Variants in IQCK observed in about 807,000 individuals in gnomAD.
IQCK encodes the protein IQ motif containing K, also known as IQ domain-containing protein K.
A neutral mutation model predicts 28.1 loss-of-function variants in IQCK; 29 were observed. The ratio of observed to expected loss-of-function variants is 1.03; its 90% CI spans 0.77 to 1.41. The LOEUF (loss-of-function observed/expected upper bound fraction) is 1.41. Among genes scored for constraint, IQCK ranks in the 40% most tolerant of loss-of-function variants. IQCK has a pLI of 0.00. For synonymous variants in IQCK, 113 were observed against 115.1 expected (o/e 0.98, Z 0.12); for missense variants, 359 against 314.7 (o/e 1.14, Z -1.07).
chr16:19,814,007 C>T (rs2055942388), intron 7 of IQCK, among the ~76,000 whole-genome samples: 1 of 151,988 alleles, frequency 6.6e-6, no homozygotes, highest in Non-Finnish European at 1.5e-5. Context: ...CACTTGAGGT[C>T]AGGAGTTCGA....
intron 9 of IQCK, among the ~76,000 whole-genome samples, chr16:19,847,330 A>T (rs1203529363): frequency 6.6e-6 from 1 of 152,020 alleles, no homozygotes; most frequent in African/African-American, 2.4e-5. Context: ...TTCCTATTTT[A>T]TTTTTTGTGA....
intron 9 of IQCK, among the ~76,000 whole-genome samples, chr16:19,847,823 T>G (rs950194733): frequency 2.6e-5 from 4 of 152,166 alleles, no homozygotes; most frequent in South Asian, 2.1e-4. Flanking sequence ...TTTTTAGAGA[T>G]AGGGTCTCTC....
intron 7 of IQCK, among the ~76,000 whole-genome samples, chr16:19,812,418 A>C (rs1188333532): frequency 6.6e-6 from 1 of 152,214 alleles, no homozygotes. Flanking sequence ...CCACAGAGCA[A>C]ATCTAGCCTA....
chr16:19,737,452 CT>C (rs2054774026), intron 4 of IQCK, among the ~76,000 whole-genome samples: 2 of 152,170 alleles, frequency 1.3e-5, no homozygotes, highest in East Asian at 1.9e-4. Flanking sequence ...ATACCTCCCC[CT>C]AATTGCCTGC....
Position 19,799,582 on chromosome 16 carries a change from TTATA to T in IQCK, c.690+10673_690+10676del, listed in dbSNP as rs1160831482. Among the ~76,000 whole-genome samples the T allele has an allele frequency of 4.6e-3, 535 of 116,780 alleles. 54 individuals carry two copies. Among genetic ancestry groups the T allele is most frequent in the African/African-American group, 0.019 (417 of 22,216 alleles). 76.6% of individuals were successfully genotyped at this position (116,780 alleles called of 152,430 possible). On this transcript the variant is annotated intron_variant, in intron 7 of 7. Transcript: ENST00000564186. ...CACCACACCTGGCCTATATTTTATT[TTATA>T]TATATATATATACACACACACACAC... is the stretch of plus-strand genomic sequence containing the variant.
rs1351379688 is a variant in IQCK, at chr16:19,793,655, T to G, written c.690+4733T>G. On this transcript the variant is annotated intron_variant, in intron 7 of 7. Coordinates refer to ENST00000564186, the Ensembl canonical transcript of IQCK. ...AAATCTCAGTTGGGTTTTTTTTTTTTTTTTTTTTTTTTTTTTTTGTGAAAT... is the reference window on the plus strand; with the variant it reads ...AAATCTCAGTTGGGTTTTTTTTTTTGTTTTTTTTTTTTTTTTTTGTGAAAT... Among the ~76,000 whole-genome samples, 10 of 130,346 alleles carry G rather than the reference T, an allele frequency of 7.7e-5. 1 individual carries two copies. The highest frequency in any genetic ancestry group is 3.4e-4 in the African/African-American group (10 of 29,574). 85.5% of individuals were successfully genotyped at this position (130,346 alleles called of 152,430 possible).
intron 3 of IQCK, among the ~76,000 whole-genome samples, chr16:19,734,995 C>G (rs1450099195): frequency 5.3e-5 from 8 of 152,062 alleles, no homozygotes; most frequent in African/African-American, 1.9e-4. Context: ...AGCCCTTACC[C>G]ATTATACTCT....
chr16:19,818,678 C>G (rs1044025040), intron 7 of IQCK, among the ~76,000 whole-genome samples: 2 of 152,074 alleles, frequency 1.3e-5, no homozygotes, highest in Non-Finnish European at 2.9e-5. Flanking sequence ...CAGGTGTGAG[C>G]CATCGTGCTC....
intron 4 of IQCK, among the ~76,000 whole-genome samples, chr16:19,743,961 A>G (rs2054871137): frequency 6.6e-6 from 1 of 152,094 alleles, no homozygotes; most frequent in Non-Finnish European, 1.5e-5. Context: ...TTACACACAC[A>G]TCTATTGTGT....
chr16:19,818,543 C>T (rs2056021060), intron 7 of IQCK, among the ~76,000 whole-genome samples: 1 of 152,098 alleles, frequency 6.6e-6, no homozygotes, highest in Admixed American at 6.5e-5. Context: ...CAGACATGTA[C>T]CACGATGCCC....
intron 6 of IQCK, among the ~76,000 whole-genome samples, chr16:19,777,267 G>A (rs1411505582): frequency 6.6e-6 from 1 of 152,110 alleles, no homozygotes; most frequent in Non-Finnish European, 1.5e-5. Flanking sequence ...AAAAACAGAG[G>A]TGAAAACAAA....
At chr16:19,853,908 G>T (rs540484952) in intron 9 of IQCK, among the ~76,000 whole-genome samples, 1 of 152,232 alleles carries the variant, frequency 6.6e-6, no homozygotes, top group African/African-American at 2.4e-5. Flanking sequence ...GATTATAGGC[G>T]TGAGCCACTG....
chr16:19,808,140 G>A (rs138739772), intron 7 of IQCK, among the ~76,000 whole-genome samples: 5 of 152,226 alleles, frequency 3.3e-5, no homozygotes, highest in Non-Finnish European at 5.9e-5. Context: ...CCACCCGGCA[G>A]GCCAAAATAG....
At chr16:19,719,061 A>G (rs1210711342) in intron 1 of IQCK, among the ~76,000 whole-genome samples, 1 of 152,126 alleles carries the variant, frequency 6.6e-6, no homozygotes. Context: ...TCTACTCAGT[A>G]TTTGTTACTT....
intron 1 of IQCK, among the ~76,000 whole-genome samples, chr16:19,728,940 A>G (rs958700394): frequency 6.6e-6 from 1 of 152,198 alleles, no homozygotes; most frequent in African/African-American, 2.4e-5. Flanking sequence ...TATGCCCTCA[A>G]TACCGTCTTG....
intron 7 of IQCK, among the ~76,000 whole-genome samples, chr16:19,806,543 AG>A (rs2055836508): frequency 6.8e-6 from 1 of 146,000 alleles, no homozygotes; most frequent in African/African-American, 2.7e-5. Flanking sequence ...AAAAAAAAAT[AG>A]CTGAGTGTGG....
At chr16:19,849,261 G>GTTTTTTTT (rs71146276) in intron 9 of IQCK, among the ~76,000 whole-genome samples, 2 of 142,154 alleles carry the variant, frequency 1.4e-5, no homozygotes, top group African/African-American at 2.6e-5. Context: ...CTATGTTCAG[G>GTTTTTTTT]TTTTTTTTTT....
chr16:19,780,455 G>A (rs1421444292), intron 6 of IQCK, among the ~76,000 whole-genome samples: 2 of 152,154 alleles, frequency 1.3e-5, no homozygotes, highest in African/African-American at 2.4e-5. Flanking sequence ...ACAGGCATGA[G>A]CCACTGCACC....
downstream of IQCK, among the ~76,000 whole-genome samples, chr16:19,828,647 C>T (rs952802559): frequency 3.3e-5 from 5 of 150,426 alleles, no homozygotes; most frequent in African/African-American, 4.9e-5. Context: ...GGGCCTGAGG[C>T]GGGTGGATCA....
Sources: gnomAD v4.1 joint callset for allele counts (sites outside exome capture counted in the v4.1 genomes callset) on GRCh38, gnomAD v4.1.1 for gene constraint, MANE v1.5 for transcripts, NCBI Gene and HGNC (gene_info 2026-07-23, HGNC 2026-07-21) for gene names.